ATXN2L: variants seen among roughly 807,000 people sequenced by gnomAD.
ATXN2L encodes ataxin 2 like.
A neutral mutation model predicts 120.7 loss-of-function variants in ATXN2L; 24 were observed. The observed-to-expected ratio is 0.20, with a 90% CI of 0.14 to 0.28. ATXN2L has a LOEUF of 0.28. Ranked by LOEUF, ATXN2L falls within the 10% of genes least tolerant of loss-of-function variation. ATXN2L has a pLI of 1.00. For synonymous variants in ATXN2L, 653 were observed against 568.1 expected, an observed-to-expected ratio of 1.15 and a Z score of -2.13; for missense variants, 1,312 against 1,432.3, an observed-to-expected ratio of 0.92 and a Z score of 1.36.
intron 6 of ATXN2L, among the ~76,000 whole-genome samples, chr16:28,828,277 C>T (rs1007656729): frequency 6.6e-6 from 1 of 152,128 alleles, no homozygotes; most frequent in Non-Finnish European, 1.5e-5. Flanking sequence ...ATTTCTGCTG[C>T]AGTTGTTAGT....
rs771458158 is a variant in ATXN2L at position 28,836,730 on chromosome 16, C to A, written c.*465C>A. 1 of 1,613,874 alleles carries A rather than the reference C, an allele frequency of 6.2e-7. No homozygotes were observed. The highest frequency in any genetic ancestry group is 1.3e-5 in the African/African-American group (1 of 74,862). On this transcript the variant is annotated 3_prime_UTR_variant, in exon 22 of 22. Transcript: ENST00000336783. ...TCTTCTCTTTCCCCTCCAACCAGTT[C>A]AATCTCATCCCTCCCAGCAGCTCCC... is the stretch of plus-strand genomic sequence containing the variant.
At chr16:28,831,139 T>G (rs2054254332) in intron 10 of ATXN2L, 67 bp downstream of exon 10, 9 of 1,076,642 alleles carry the variant, frequency 8.4e-6, no homozygotes, top group East Asian at 2.5e-5. Context: ...AATATGTCCA[T>G]TTGTTACAGT....
chr16:28,826,140 GTAAGAGAAATCCAGTTCTATT>G (rs929937369), intron 4 of ATXN2L, 79 bp from the exon 5 acceptor site: 94 of 1,456,468 alleles, frequency 6.5e-5, no homozygotes, highest in South Asian at 3.6e-4. Flanking sequence ...TTTGGGAAGG[GTAAGAGAAATCCAGTTCTATT>G]TAAGAGAAAT....
chr16:28,836,256 T>G lies in ATXN2L; in HGVS notation c.3219T>G (p.Gly1073=). 6.2e-7 allele frequency: 1 copy of G among 1,611,596 alleles called. No homozygotes were observed. Among genetic ancestry groups the G allele is most frequent in the Non-Finnish European group, 8.5e-7 (1 of 1,178,520 alleles). Residue 1073 remains glycine (G), a synonymous_variant, in exon 22 of 22, where the codon GGT becomes GGG. Coordinates refer to ENST00000336783, the MANE Select transcript of ATXN2L (RefSeq NM_007245.4). ...LQVGQDARVL[G]GE is the part of the protein sequence containing the mutation. ...TGGGGCAGGATGCACGGGTTCTGGG[T>G]GGGGAGTGAGGGGTCTTGGAGGCAG...
chr16:28,835,839 G>C, intron 21 of ATXN2L, 81 bp downstream of exon 21: 1 of 1,594,504 alleles, frequency 6.3e-7, no homozygotes, highest in South Asian at 1.1e-5. Flanking sequence ...CCAAGTCCCT[G>C]GTGCCACCCT....
chr16:28,827,629 T>C (rs2052645602), intron 6 of ATXN2L, among the ~76,000 whole-genome samples: 1 of 152,212 alleles, frequency 6.6e-6, no homozygotes, highest in Non-Finnish European at 1.5e-5. Flanking sequence ...CCCAGCTACT[T>C]GGGAGGCCAA....
intron 12 of ATXN2L, 29 bp from the exon 13 acceptor site, chr16:28,832,787 AT>A (rs1467125422): frequency 6.2e-7 from 1 of 1,609,682 alleles, no homozygotes; most frequent in African/African-American, 1.3e-5. Flanking sequence ...AATGTTTTGT[AT>A]TTTCTTCTTT....
chr16:28,831,056 T>C lies in ATXN2L; in HGVS notation c.1305T>C (p.Val435=). 6.2e-7 allele frequency: 1 copy of C among 1,607,612 alleles called. No homozygotes were observed. Among genetic ancestry groups the C allele is most frequent in the Non-Finnish European group, 8.5e-7 (1 of 1,176,860 alleles). The change falls in exon 10 of 22, where the codon GTT becomes GTC. Residue 435 remains valine (V), a synonymous_variant. Transcript: ENST00000336783. The part of the protein sequence containing the change: ...PSNRPSGETS[V]PPPPAVGRMY... ...ATAGGCCTTCTGGAGAAACTTCTGTTCCACCTCCTCCTGCAGGTAAAGCTT... is the reference window on the plus strand; with the variant it reads ...ATAGGCCTTCTGGAGAAACTTCTGTCCCACCTCCTCCTGCAGGTAAAGCTT...
rs1430420765 is a variant in ATXN2L, at chr16:28,827,106, C to A, written c.741+120C>A. On this transcript the variant is annotated intron_variant, in intron 6 of 21. Coordinates refer to ENST00000336783, the MANE Select transcript of ATXN2L (RefSeq NM_007245.4). ...TTGCCCATTGATGGTAGTCAGATAA[C>A]AAATAGAAAGGTATAGAAAATAGCA... The A allele has an allele frequency of 7.4e-6, 8 of 1,077,022 alleles. No homozygotes were observed. The Admixed American group carries it at 1.8e-4, about 24-fold the overall frequency. 66.7% of individuals were successfully genotyped at this position (1,077,022 alleles called of 1,614,324 possible). A position where few individuals can be genotyped will look rare whatever the true frequency, so the allele number is the denominator to read the frequency against.
chr16:28,837,093 T>G lies in ATXN2L; in HGVS notation c.*828T>G. The G allele has an allele frequency of 1.9e-6, 1 of 529,200 alleles. No homozygotes were observed. The highest frequency in any genetic ancestry group is 3.6e-6 in the Non-Finnish European group (1 of 278,750). The allele number at this position is 529,200 out of a possible 1,614,324, so 32.8% of individuals were successfully genotyped here. ...TTTATAACTTCAGACTTGGGCCCCC[T>G]GTTCTTTCTTTCCCATTAACTTGAG... On this transcript the variant is annotated 3_prime_UTR_variant, in exon 22 of 22. Coordinates refer to ENST00000336783, the MANE Select transcript of ATXN2L (RefSeq NM_007245.4).
Position 28,835,740 on chromosome 16 carries a change from C to T in ATXN2L, c.2877C>T (p.Asn959=). 1.9e-6 allele frequency: 3 copies of T among 1,614,152 alleles called. No homozygotes were observed. The highest frequency in any genetic ancestry group is 2.5e-6 in the Non-Finnish European group (3 of 1,179,994). The change falls in exon 21 of 22, where the codon AAC becomes AAT. Residue 959 remains asparagine, a synonymous_variant. Transcript: ENST00000336783. The part of the protein sequence containing the change: ...HHQQLPHGFT[N]MAHVTQAHVQ... ...AGCAGCTGCCCCACGGCTTCACCAACATGGCCCATGTTACCCAGGTAAGAG... is the reference window on the plus strand; with the variant it reads ...AGCAGCTGCCCCACGGCTTCACCAATATGGCCCATGTTACCCAGGTAAGAG...
Position 28,829,358 on chromosome 16 carries a change from GC to G in ATXN2L, c.742-42del, listed in dbSNP as rs754768358. 1.1e-5 allele frequency: 15 copies of G among 1,371,190 alleles called. No homozygotes were observed. In the African/African-American group the frequency reaches 2.1e-4, roughly 20 times the overall value. 84.9% of individuals were successfully genotyped at this position (1,371,190 alleles called of 1,614,324 possible). On this transcript the variant is annotated intron_variant, in intron 6 of 21. Transcript: ENST00000336783. ...GATGGAAGGGAAGTGACTTGTCGTT[GC>G]TTTTCCTGCTGGGTTTTAAAACCAC...
chr16:28,827,605 C>T (rs535496624), intron 6 of ATXN2L, among the ~76,000 whole-genome samples: 1 of 152,324 alleles, frequency 6.6e-6, no homozygotes, highest in Admixed American at 6.5e-5. Flanking sequence ...AGCGCAGTGG[C>T]TCATGCCTGT....
chr16:28,833,481 C>T lies in ATXN2L; in HGVS notation c.1998C>T (p.Phe666=). The T allele has an allele frequency of 1.2e-6, 2 of 1,614,188 alleles. No homozygotes were observed. Among genetic ancestry groups the T allele is most frequent in the Non-Finnish European group, 1.7e-6 (2 of 1,180,038 alleles). The part of the protein sequence containing the change: ...KSTLNPNAKE[F]NPTKPLLSVN... ...CGTTGAACCCTAATGCTAAGGAGTT[C>T]AATCCTACAAAGCCTCTGCTGTCTG... The change falls in exon 15 of 22, where the codon TTC becomes TTT. Residue 666 remains phenylalanine, a synonymous_variant. Coordinates refer to ENST00000336783, the MANE Select transcript of ATXN2L (RefSeq NM_007245.4).
At position 28,823,242 on chromosome 16, in the gene ATXN2L, C is replaced by T. The variant is rs764481046; in HGVS notation, c.-18C>T. On this transcript the variant is annotated 5_prime_UTR_variant, in exon 1 of 22. Coordinates refer to ENST00000336783, the MANE Select transcript of ATXN2L (RefSeq NM_007245.4). ...TCTCCCTCCCTTCTCTCTAATTCCC[C>T]TTCCGGACGCTGCCATCATGTTGAA... 7.0e-6 allele frequency: 10 copies of T among 1,433,410 alleles called. No individual in the cohort carries two copies. Among genetic ancestry groups the T allele is most frequent in the South Asian group, 1.5e-5 (1 of 66,886 alleles). The allele number at this position is 1,433,410 out of a possible 1,614,324, so 88.8% of individuals were successfully genotyped here.
intron 15 of ATXN2L, 37 bp from the exon 16 acceptor site, chr16:28,834,028 A>G: frequency 1.2e-6 from 2 of 1,604,580 alleles, no homozygotes; most frequent in Non-Finnish European, 1.7e-6. Flanking sequence ...GTAGAGGGGA[A>G]AATACAAAAT....
At chr16:28,823,660 C>A in intron 1 of ATXN2L, 102 bp downstream of exon 1, 1 of 1,143,504 alleles carries the variant, frequency 8.7e-7, no homozygotes, top group East Asian at 3.3e-5. Context: ...GGGGCACCGG[C>A]TGGGTGGGGA....
chr16:28,823,664 G>A, intron 1 of ATXN2L, 106 bp downstream of exon 1: 2 of 1,124,962 alleles, frequency 1.8e-6, no homozygotes, highest in Non-Finnish European at 2.3e-6. Context: ...CACCGGCTGG[G>A]TGGGGAGTCC....
rs776422919 is a variant in ATXN2L, at chr16:28,825,853, CAAATTT to C, written c.465+15_465+20del. 3.7e-6 allele frequency: 6 copies of C among 1,608,102 alleles called. No individual in the cohort carries two copies. The South Asian group carries it at 6.6e-5, about 18-fold the overall frequency. On this transcript the variant is annotated intron_variant, in intron 4 of 21. Coordinates refer to ENST00000336783, the MANE Select transcript of ATXN2L (RefSeq NM_007245.4). ...CGCTAAGCTCAAAGGTCAGTGTACTCAAATTTAATTATTTTTGGAGTTGCAGAGTAG... is the reference window on the plus strand; with the variant it reads ...CGCTAAGCTCAAAGGTCAGTGTACTCAATTATTTTTGGAGTTGCAGAGTAG...
Sources: allele counts gnomAD v4.1 joint callset (sites outside exome capture counted in the v4.1 genomes callset), GRCh38; gene constraint gnomAD v4.1.1; transcripts MANE v1.5; gene names NCBI Gene and HGNC (gene_info 2026-07-23, HGNC 2026-07-21).